Variants in NDUFAF6 observed in about 807,000 individuals in gnomAD.
The protein encoded by NDUFAF6 is NADH dehydrogenase (ubiquinone) complex I, assembly factor 6.
NDUFAF6 carries 45 observed loss-of-function variants against 40.8 expected under a neutral mutation model. The ratio of observed to expected loss-of-function variants is 1.10; its 90% CI spans 0.87 to 1.42. The LOEUF is 1.42. NDUFAF6 is among the 40% of genes most tolerant of loss of function. NDUFAF6 has a pLI of 0.00. For missense variants in NDUFAF6, 435 were observed against 418.5 expected, an observed-to-expected ratio of 1.04 and a Z score of -0.34; for synonymous variants, 185 against 155.9, an observed-to-expected ratio of 1.19 and a Z score of -1.39.
intron 1 of NDUFAF6, among the ~76,000 whole-genome samples, chr8:94,941,768 G>A (rs1262157401): frequency 6.6e-6 from 1 of 152,208 alleles, no homozygotes; most frequent in Non-Finnish European, 1.5e-5. Flanking sequence ...TGCTGTGTGA[G>A]TTAGGAAGTT....
At chr8:94,923,122 G>A (rs1819617954) in intron 1 of NDUFAF6, among the ~76,000 whole-genome samples, 1 of 152,186 alleles carries the variant, frequency 6.6e-6, no homozygotes, top group Non-Finnish European at 1.5e-5. Flanking sequence ...CCAAAATCGT[G>A]CAGATGGGAG....
At chr8:95,015,186 G>A (rs1339966149) in intron 2 of NDUFAF6, among the ~76,000 whole-genome samples, 1 of 152,144 alleles carries the variant, frequency 6.6e-6, no homozygotes, top group Non-Finnish European at 1.5e-5. Context: ...TAGTCCATCT[G>A]TTTGGGACCT....
intron 8 of NDUFAF6, among the ~76,000 whole-genome samples, chr8:95,056,970 GA>G (rs1186476470): frequency 7.3e-5 from 11 of 151,384 alleles, no homozygotes; most frequent in African/African-American, 1.2e-4. Flanking sequence ...AAAAGTATAG[GA>G]AAAAAAAGTC....
intron 1 of NDUFAF6, among the ~76,000 whole-genome samples, chr8:94,933,865 G>T: frequency 6.8e-6 from 1 of 147,146 alleles, no homozygotes. Context: ...GAGGTCAGGA[G>T]TTCAAGACCA....
intron 9 of NDUFAF6, among the ~76,000 whole-genome samples, chr8:95,064,157 T>A (rs1832643379): frequency 6.6e-6 from 1 of 151,040 alleles, no homozygotes; most frequent in Admixed American, 6.6e-5. Flanking sequence ...CCCAAAGTGC[T>A]GGGATTACAC....
chr8:95,017,035 T>C (rs143566598), intron 2 of NDUFAF6, among the ~76,000 whole-genome samples: 1 of 150,096 alleles, frequency 6.7e-6, no homozygotes, highest in Non-Finnish European at 1.5e-5. Context: ...TGGGCTCAAG[T>C]GATTCTGTTG....
intron 7 of NDUFAF6, among the ~76,000 whole-genome samples, chr8:95,051,576 A>G (rs1164541274): frequency 2.6e-5 from 4 of 152,180 alleles, no homozygotes; most frequent in Admixed American, 2.0e-4. Context: ...GATGATGGGC[A>G]TCAGCCTGAG....
chr8:94,946,649 A>T (rs1822018397), intron 2 of NDUFAF6, among the ~76,000 whole-genome samples: 1 of 133,464 alleles, frequency 7.5e-6, no homozygotes, highest in Non-Finnish European at 1.6e-5. Flanking sequence ...GTGAGTTGTG[A>T]TCCCACCACT....
Position 94,952,730 on chromosome 8 carries a change from C to T in NDUFAF6, c.-798-5265C>T, listed in dbSNP as rs542704576. On this transcript the variant is annotated intron_variant, in intron 2 of 14. Coordinates refer to the NDUFAF6 transcript ENST00000396113. ...TATTCCAGGGCCATAAGTGTAATAG[C>T]TTTTCAAGACCCTGCAACCTTTGTG... 6.0e-4 allele frequency among the ~76,000 whole-genome samples: 91 copies of T among 152,338 alleles called. 2 individuals are homozygous for T. The highest frequency in any genetic ancestry group is 5.6e-3 in the Admixed American group (86 of 15,300).
At chr8:94,908,633 G>A (rs892550850) in intron 1 of NDUFAF6, among the ~76,000 whole-genome samples, 2 of 152,162 alleles carry the variant, frequency 1.3e-5, no homozygotes, top group Non-Finnish European at 2.9e-5. Flanking sequence ...GCCTCCCAAA[G>A]TGCTGGGAGT....
chr8:95,039,298 CAA>C (rs1829882100), intron 3 of NDUFAF6, among the ~76,000 whole-genome samples: 1 of 151,850 alleles, frequency 6.6e-6, no homozygotes, highest in African/African-American at 2.4e-5. Flanking sequence ...ACTAAAAATA[CAA>C]AAATTAGCCG....
At chr8:95,094,625 G>T (rs557234942) in intron 2 of NDUFAF6, among the ~76,000 whole-genome samples, 167 of 151,526 alleles carry the variant, frequency 1.1e-3, no homozygotes, top group Non-Finnish European at 2.1e-3. Flanking sequence ...ATGTTGGGCA[G>T]GCTGGTCTTG....
intron 4 of NDUFAF6, among the ~76,000 whole-genome samples, chr8:95,112,171 G>T (rs1782246465): frequency 6.6e-6 from 1 of 152,210 alleles, no homozygotes; most frequent in Admixed American, 6.5e-5. Context: ...AGAGTGCAAA[G>T]GCCTCTGCTT....
upstream of NDUFAF6, chr8:95,024,959 G>A (rs778303877): frequency 4.7e-5 from 60 of 1,282,342 alleles, no homozygotes; most frequent in Admixed American, 8.8e-4. Flanking sequence ...TGGCCGGGGC[G>A]TAGCTGCGCG....
chr8:94,985,859 A>C (rs1586906159), intron 2 of NDUFAF6, among the ~76,000 whole-genome samples: 3 of 148,346 alleles, frequency 2.0e-5, no homozygotes, highest in African/African-American at 7.4e-5. Flanking sequence ...ACAATTTTGT[A>C]CAATTTTTTT....
chr8:95,085,937 C>T (rs948230763), intron 2 of NDUFAF6, among the ~76,000 whole-genome samples: 2 of 152,134 alleles, frequency 1.3e-5, no homozygotes, highest in African/African-American at 4.8e-5. Context: ...GATCTATTCT[C>T]CTAGTATTTG....
At chr8:95,036,029 G>C (rs1411761934) in intron 3 of NDUFAF6, among the ~76,000 whole-genome samples, 3 of 152,220 alleles carry the variant, frequency 2.0e-5, no homozygotes, top group Non-Finnish European at 4.4e-5. Flanking sequence ...CTTGCTCTCA[G>C]TGTTGTCCAG....
chr8:94,956,540 A>G (rs368259338), upstream of NDUFAF6, among the ~76,000 whole-genome samples: 34 of 152,348 alleles, frequency 2.2e-4, no homozygotes, highest in African/African-American at 8.2e-4. Context: ...AGGAGAGAAC[A>G]TGCAAACCAG....
intron 1 of NDUFAF6, among the ~76,000 whole-genome samples, chr8:94,899,009 T>G (rs1200889018): frequency 2.0e-5 from 3 of 152,236 alleles, no homozygotes; most frequent in African/African-American, 7.2e-5. Context: ...TTTCTTCCCA[T>G]TTAATGAAAC....
Sources: allele counts gnomAD v4.1 joint callset (sites outside exome capture counted in the v4.1 genomes callset), GRCh38; gene constraint gnomAD v4.1.1; transcripts MANE v1.5; gene names NCBI Gene and HGNC (gene_info 2026-07-23, HGNC 2026-07-21).